GSE1: variants seen among roughly 807,000 people sequenced by gnomAD.
GSE1 encodes Gse1 coiled-coil protein, also known as genetic suppressor element 1.
Under a neutral mutation model 112.6 loss-of-function variants are expected in GSE1, and 32 were observed. The observed-to-expected ratio is 0.28, with a 90% CI of 0.21 to 0.38. The LOEUF is 0.38. Ranked by LOEUF, GSE1 falls within the 10% of genes least tolerant of loss-of-function variation. GSE1 has a pLI of 1.00. For missense variants in GSE1, 2,348 were observed against 1,699.2 expected (o/e 1.38, Z -6.71); for synonymous variants, 1,115 against 735.6 (o/e 1.52, Z -8.35).
rs571557471 is a variant in GSE1, at chr16:85,194,828, A to G, written c.2283+23021A>G. On this transcript the variant is annotated intron_variant, in intron 1 of 2. Coordinates refer to the GSE1 transcript ENST00000637419. ...CTGCTGCCAAGGTTGGGGTGGACAC[A>G]AGTGTCTACAGAGCAGGATCCAAGG... is the stretch of plus-strand genomic sequence containing the variant. Among the ~76,000 whole-genome samples, 4 of 152,246 alleles carry G rather than the reference A, an allele frequency of 2.6e-5. No homozygotes were observed. In the East Asian group the frequency reaches 7.7e-4, roughly 29 times the overall value.
chr16:85,384,258 G>C (rs922940047), intron 2 of GSE1, among the ~76,000 whole-genome samples: 1 of 152,172 alleles, frequency 6.6e-6, no homozygotes, highest in Non-Finnish European at 1.5e-5. Flanking sequence ...AGAAACACAC[G>C]TGCCTTGCTC....
At chr16:85,281,536 C>T (rs2044858527) in intron 1 of GSE1, among the ~76,000 whole-genome samples, 2 of 152,180 alleles carry the variant, frequency 1.3e-5, no homozygotes, top group Non-Finnish European at 2.9e-5. Context: ...TAACCTGCCT[C>T]TTAATTAGTT....
intron 2 of GSE1, among the ~76,000 whole-genome samples, chr16:85,445,659 G>A (rs1346939034): frequency 1.3e-5 from 2 of 152,146 alleles, no homozygotes; most frequent in Non-Finnish European, 2.9e-5. Context: ...CTGTGTTAAC[G>A]ACAGATTTCT....
chr16:85,478,918 T>TCCTTCCTTCCTTCCTTCCTTC (rs1567520813), intron 2 of GSE1, among the ~76,000 whole-genome samples: 7 of 53,600 alleles, frequency 1.3e-4, no homozygotes, highest in African/African-American at 7.3e-4. Context: ...TTTCTTTCTT[T>TCCTTCCTTCCTTCCTTCCTTC]CTTTCTTTCT....
At chr16:85,428,199 C>T (rs1349020745) in intron 2 of GSE1, among the ~76,000 whole-genome samples, 1 of 152,242 alleles carries the variant, frequency 6.6e-6, no homozygotes, top group South Asian at 2.1e-4. Context: ...GCTGGCCCCT[C>T]ATTAGCAGGG....
chr16:85,258,163 C>G (rs948367670), intron 1 of GSE1, among the ~76,000 whole-genome samples: 1 of 152,214 alleles, frequency 6.6e-6, no homozygotes, highest in African/African-American at 2.4e-5. Flanking sequence ...CAGCAGGGGC[C>G]TCCTCACGCA....
intron 1 of GSE1, among the ~76,000 whole-genome samples, chr16:85,318,746 C>T (rs2046037304): frequency 6.6e-6 from 1 of 152,208 alleles, no homozygotes; most frequent in African/African-American, 2.4e-5. Flanking sequence ...AGAGCAGCCT[C>T]CAGTGAGGAT....
intron 2 of GSE1, among the ~76,000 whole-genome samples, chr16:85,456,956 A>G (rs183688676): frequency 1.4e-4 from 21 of 152,304 alleles, no homozygotes; most frequent in African/African-American, 4.8e-4. Context: ...CTAAGTCACA[A>G]GAGACCAACT....
intron 1 of GSE1, among the ~76,000 whole-genome samples, chr16:85,355,244 CG>C (rs750282538): frequency 8.6e-5 from 13 of 151,666 alleles, no homozygotes; most frequent in Non-Finnish European, 1.8e-4. Flanking sequence ...AACAAAAAAC[CG>C]GATCAACAGA....
At chr16:85,645,365 C>T (rs1414174157) in intron 2 of GSE1, among the ~76,000 whole-genome samples, 1 of 151,994 alleles carries the variant, frequency 6.6e-6, no homozygotes, top group African/African-American at 2.4e-5. Flanking sequence ...GGGGCGTGGC[C>T]GATCTGGCTA....
chr16:85,352,297 C>G (rs2046866516), intron 1 of GSE1, among the ~76,000 whole-genome samples: 1 of 152,154 alleles, frequency 6.6e-6, no homozygotes, highest in Non-Finnish European at 1.5e-5. Flanking sequence ...TTGGAAGAAC[C>G]CTATTAAATT....
intron 1 of GSE1, among the ~76,000 whole-genome samples, chr16:85,266,312 A>G (rs927586357): frequency 6.6e-6 from 1 of 152,176 alleles, no homozygotes; most frequent in Non-Finnish European, 1.5e-5. Context: ...CAGTTAGAGA[A>G]ACTGAGGCCC....
At chr16:85,555,440 C>G (rs905884376), upstream of GSE1, 2 of 982,944 alleles carry the variant, frequency 2.0e-6, no homozygotes, top group Non-Finnish European at 2.4e-6. Context: ...GGAGCCGGCT[C>G]CCCAGCCTGC....
At chr16:85,613,879 T>C (rs2048177942) in intron 1 of GSE1, among the ~76,000 whole-genome samples, 1 of 143,118 alleles carries the variant, frequency 7.0e-6, no homozygotes, top group African/African-American at 2.6e-5. Flanking sequence ...GGGTGCTCGC[T>C]ACTGGGGCCG....
intron 2 of GSE1, among the ~76,000 whole-genome samples, chr16:85,382,247 A>G (rs1370672134): frequency 6.6e-6 from 1 of 152,080 alleles, no homozygotes; most frequent in African/African-American, 2.4e-5. Flanking sequence ...GTCATTCTCC[A>G]GCCCGCCCTT....
chr16:85,266,398 G>A (rs905597513), intron 1 of GSE1, among the ~76,000 whole-genome samples: 5 of 152,162 alleles, frequency 3.3e-5, no homozygotes, highest in Admixed American at 6.5e-5. Flanking sequence ...GAAGCATCCC[G>A]AGGCCTCCCT....
At chr16:85,510,416 G>GTGTCTGTGTGTGTGTT (rs1198118871) in intron 2 of GSE1, among the ~76,000 whole-genome samples, 1 of 152,128 alleles carries the variant, frequency 6.6e-6, no homozygotes, top group Non-Finnish European at 1.5e-5. Context: ...GCGTGTGTGT[G>GTGTCTGTGTGTGTGTT]TGTCTGTGTG....
At chr16:85,442,759 G>A (rs547619278) in intron 2 of GSE1, among the ~76,000 whole-genome samples, 1 of 152,178 alleles carries the variant, frequency 6.6e-6, no homozygotes, top group Non-Finnish European at 1.5e-5. Flanking sequence ...CCGTATTAGT[G>A]GCTGCAGTAA....
At chr16:85,600,000 G>T (rs1039527127) in intron 1 of GSE1, among the ~76,000 whole-genome samples, 12 of 152,178 alleles carry the variant, frequency 7.9e-5, no homozygotes, top group Non-Finnish European at 1.2e-4. Flanking sequence ...ACCTGGCAAG[G>T]TCCCTCCTGT....
Sources: gnomAD v4.1 joint callset for allele counts (sites outside exome capture counted in the v4.1 genomes callset) on GRCh38, gnomAD v4.1.1 for gene constraint, MANE v1.5 for transcripts, NCBI Gene and HGNC (gene_info 2026-07-23, HGNC 2026-07-21) for gene names.